The following PROSER2 variants were observed in gnomAD, a reference collection of about 807,000 sequenced individuals.
PROSER2 encodes the protein proline and serine rich 2.
PROSER2 carries 18 observed loss-of-function variants against 14.6 expected under a neutral mutation model. That is an observed-to-expected ratio of 1.23 (90% CI 0.85 to 1.83). PROSER2 has a LOEUF of 1.83. PROSER2 is among the 40% of genes most tolerant of loss of function. PROSER2 has a pLI of 0.00. For missense variants in PROSER2, 823 were observed against 629.8 expected (o/e 1.31, Z -3.28); for synonymous variants, 367 against 286.4 (o/e 1.28, Z -2.84).
intron 2 of PROSER2, among the ~76,000 whole-genome samples, chr10:11,853,970 T>TC (rs1487074045): frequency 6.6e-6 from 1 of 152,196 alleles, no homozygotes; most frequent in Non-Finnish European, 1.5e-5. Context: ...GCCGTGCCTG[T>TC]CCCTGTATAT....
Position 11,852,124 on chromosome 10 carries a change from A to G in PROSER2, c.47A>G (p.Asp16Gly). ...RKSDASDMNS[D>G]TSPSCRLRAF... ...TCAGACGCATCTGACATGAACTCAG[A>G]CACGTCCCCCAGCTGCAGGCTCCGA... Residue 16 changes from aspartate to glycine, a missense_variant, in exon 2 of 4, where the codon GAC (aspartate) becomes GGC (glycine). Coordinates refer to ENST00000277570, the MANE Select transcript of PROSER2 (RefSeq NM_153256.4). 6.2e-7 allele frequency: 1 copy of G among 1,613,834 alleles called. No individual in the cohort carries two copies. The highest frequency in any genetic ancestry group is 8.5e-7 in the Non-Finnish European group (1 of 1,179,924).
chr10:11,869,027 C>G lies in PROSER2; in HGVS notation c.392-463C>G, dbSNP rs2131097663. ...GTGACTGATACATGCTATGTAAGGA[C>G]TCAGAGGCAGGCCTGTTAAATTCTC... is the stretch of plus-strand genomic sequence containing the variant. On this transcript the variant is annotated intron_variant, in intron 3 of 3. Transcript: ENST00000277570. This position sits in a 1 kb window ranked among gnomAD's most constrained non-coding sequence, Gnocchi z 4.4. Among the ~76,000 whole-genome samples the G allele has an allele frequency of 6.6e-6, 1 of 152,320 alleles. No homozygotes were observed.
rs747318225 is a variant in PROSER2, at chr10:11,869,481, G to C, written c.392-9G>C. The C allele has an allele frequency of 6.2e-7, 1 of 1,609,940 alleles. No homozygotes were observed. The highest frequency in any genetic ancestry group is 1.1e-5 in the South Asian group (1 of 90,994). ...CCGGTGGCTCACAGGCTCCTCCCTT[G>C]TCTTCCAGGGCCTGCACCTGCTGGG... On this transcript the variant is annotated splice_polypyrimidine_tract_variant and intron_variant, in intron 3 of 3. Transcript: ENST00000277570. The surrounding 1 kb of genome is among the most constrained non-coding windows in gnomAD (Gnocchi z 4.4).
chr10:11,853,481 G>A (rs553367832), intron 2 of PROSER2, among the ~76,000 whole-genome samples: 2 of 152,090 alleles, frequency 1.3e-5, no homozygotes, highest in African/African-American at 4.8e-5. Context: ...CCAGCTACTC[G>A]GGAGGCTGAG....
chr10:11,824,758 T>C (rs1449593831), intron 1 of PROSER2, among the ~76,000 whole-genome samples: 1 of 152,246 alleles, frequency 6.6e-6, no homozygotes, highest in Admixed American at 6.5e-5. Flanking sequence ...TGAGCTTTCT[T>C]TGAAAATTTT....
Position 11,870,476 on chromosome 10 carries a change from C to G in PROSER2, c.*70C>G, listed in dbSNP as rs921989749. On this transcript the variant is annotated 3_prime_UTR_variant, in exon 4 of 4. Transcript: ENST00000277570. ...GAGAGGGTGAAAGAGTCGCTGCACC[C>G]AGGAGCTGTTTGGTCTAAAATGGAA... 2.4e-6 allele frequency: 3 copies of G among 1,273,918 alleles called. No individual in the cohort carries two copies. Among genetic ancestry groups the G allele is most frequent in the Non-Finnish European group, 3.1e-6 (3 of 967,984 alleles). The allele number at this position is 1,273,918 out of a possible 1,614,324, so 78.9% of individuals were successfully genotyped here.
rs554409956 is a variant in PROSER2, at chr10:11,867,635, G to C, written c.391+852G>C. 4.3e-4 allele frequency among the ~76,000 whole-genome samples: 65 copies of C among 152,312 alleles called. 1 individual carries two copies. Among genetic ancestry groups the C allele is most frequent in the African/African-American group, 1.5e-3 (64 of 41,572 alleles). Reference sequence around the variant, plus strand: ...CGAGACCCTGTCTCAAAAAAAGAAAGAGAATCTCATACCACTGCTGACGTG... The same window carrying C: ...CGAGACCCTGTCTCAAAAAAAGAAACAGAATCTCATACCACTGCTGACGTG... On this transcript the variant is annotated intron_variant, in intron 3 of 3. Coordinates refer to ENST00000277570, the MANE Select transcript of PROSER2 (RefSeq NM_153256.4).
At position 11,852,477 on chromosome 10, in the gene PROSER2, C is replaced by T. The variant is rs185460161; in HGVS notation, c.138+262C>T. ...GCTTAGACGTAGATAGGACCAGGCC[C>T]GGGGCAGAAACCAACCCAGGCAGGA... On this transcript the variant is annotated intron_variant, in intron 2 of 3. Coordinates refer to ENST00000277570, the MANE Select transcript of PROSER2 (RefSeq NM_153256.4). 4.6e-5 allele frequency among the ~76,000 whole-genome samples: 7 copies of T among 152,104 alleles called. No individual in the cohort carries two copies. In the East Asian group the frequency reaches 5.8e-4, roughly 13 times the overall value.
At position 11,837,420 on chromosome 10, in the gene PROSER2, G is replaced by GT. The variant is rs1347314248; in HGVS notation, c.-82+13952dup. The stretch of plus-strand genomic sequence containing the variant: ...ACGAGCTCCGATTGCTGGCAGACGG[G>GT]TTGGGATTGGTGCTGTCTGCAGATC... On this transcript the variant is annotated intron_variant, in intron 1 of 3. Transcript: ENST00000277570. This position sits in a 1 kb window ranked among gnomAD's most constrained non-coding sequence, Gnocchi z 4.6. 1.3e-5 allele frequency among the ~76,000 whole-genome samples: 2 copies of GT among 152,220 alleles called. No homozygotes were observed. The highest frequency in any genetic ancestry group is 2.4e-5 in the African/African-American group (1 of 41,458).
intron 1 of PROSER2, among the ~76,000 whole-genome samples, chr10:11,827,682 C>CTT (rs10625176): frequency 0.36 from 51,733 of 143,242 alleles, 9,774 homozygotes; most frequent in East Asian, 0.5. Context: ...CATGGAAGTC[C>CTT]TTTTTTTTTT....
rs1281752418 is a variant in PROSER2 at position 11,871,401 on chromosome 10, T to C, written c.*995T>C. 6.6e-6 allele frequency: 1 copy of C among 152,230 alleles called. No homozygotes were observed. Among genetic ancestry groups the C allele is most frequent in the Non-Finnish European group, 1.5e-5 (1 of 68,034 alleles). 9.4% of individuals were successfully genotyped at this position (152,230 alleles called of 1,614,324 possible). On this transcript the variant is annotated 3_prime_UTR_variant, in exon 4 of 4. Transcript: ENST00000277570. ...TCCTCTGTTCCCAGTTAAAGTAATA[T>C]TCCCTGCTTCCAAGTAAGCAAGACT...
Position 11,866,273 on chromosome 10 carries a change from T to C in PROSER2, c.139-258T>C, listed in dbSNP as rs906760621. Among the ~76,000 whole-genome samples, 6 of 152,188 alleles carry C rather than the reference T, an allele frequency of 3.9e-5. No individual in the cohort carries two copies. The highest frequency in any genetic ancestry group is 1.4e-4 in the African/African-American group (6 of 41,434). ...GCTCCCGAGAGGGTGCTTTTTGTCATTGACTTGCTAGGAACCCCAAGGCGA... is the reference window on the plus strand; with the variant it reads ...GCTCCCGAGAGGGTGCTTTTTGTCACTGACTTGCTAGGAACCCCAAGGCGA... On this transcript the variant is annotated intron_variant, in intron 2 of 3. Transcript: ENST00000277570. This position sits in a 1 kb window ranked among gnomAD's most constrained non-coding sequence, Gnocchi z 6.0.
At chr10:11,848,323 C>T (rs1473770211) in intron 1 of PROSER2, among the ~76,000 whole-genome samples, 3 of 152,212 alleles carry the variant, frequency 2.0e-5, no homozygotes, top group African/African-American at 7.2e-5. Context: ...CACCTGCCAC[C>T]ATGCCCGGCT....
chr10:11,867,536 A>G (rs1469089964), intron 3 of PROSER2, among the ~76,000 whole-genome samples: 1 of 152,110 alleles, frequency 6.6e-6, no homozygotes, highest in African/African-American at 2.4e-5. Context: ...AGGCACAAGA[A>G]TCACTTGAAC....
In PROSER2 at chr10:11,823,952, G is replaced by T. The variant is rs1388792005; in HGVS notation, c.-82+482G>T. On this transcript the variant is annotated intron_variant, in intron 1 of 3. Coordinates refer to ENST00000277570, the MANE Select transcript of PROSER2 (RefSeq NM_153256.4). This position sits in a 1 kb window ranked among gnomAD's most constrained non-coding sequence, Gnocchi z 6.2. ...GGCCCCCAGGTCCTGGAATCACGCGGGGATGTGCAGGGTCTGCCCAGCCCA... is the reference window on the plus strand; with the variant it reads ...GGCCCCCAGGTCCTGGAATCACGCGTGGATGTGCAGGGTCTGCCCAGCCCA... 6.6e-6 allele frequency among the ~76,000 whole-genome samples: 1 copy of T among 152,144 alleles called. No individual in the cohort carries two copies. Among genetic ancestry groups the T allele is most frequent in the Non-Finnish European group, 1.5e-5 (1 of 68,002 alleles).
intron 2 of PROSER2, among the ~76,000 whole-genome samples, chr10:11,853,557 A>C (rs1834069534): frequency 6.6e-6 from 1 of 152,200 alleles, no homozygotes; most frequent in Non-Finnish European, 1.5e-5. Context: ...ACTGCACTCC[A>C]GGCTGGGCGA....
chr10:11,866,923 T>G lies in PROSER2; in HGVS notation c.391+140T>G, dbSNP rs2131094074. On this transcript the variant is annotated intron_variant, in intron 3 of 3. Coordinates refer to ENST00000277570, the MANE Select transcript of PROSER2 (RefSeq NM_153256.4). This position sits in a 1 kb window ranked among gnomAD's most constrained non-coding sequence, Gnocchi z 6.0. The stretch of plus-strand genomic sequence containing the variant: ...GATTTTTATAGGGGAAAATACTCCT[T>G]GGCAGTTTCATCATCCAGCAAAGGG... 9.6e-7 allele frequency: 1 copy of G among 1,037,768 alleles called. No homozygotes were observed. The highest frequency in any genetic ancestry group is 1.4e-6 in the Non-Finnish European group (1 of 736,244). The allele number at this position is 1,037,768 out of a possible 1,614,324, so 64.3% of individuals were successfully genotyped here.
intron 3 of PROSER2, among the ~76,000 whole-genome samples, chr10:11,867,264 C>CAAAAAAAAAAAAAA (rs10560433): frequency 1.9e-5 from 1 of 51,810 alleles, no homozygotes; most frequent in East Asian, 7.9e-4. Flanking sequence ...GACTCCGTCT[C>CAAAAAAAAAAAAAA]AAAAAAAAAA....
chr10:11,848,817 A>G (rs1833966676), intron 1 of PROSER2, among the ~76,000 whole-genome samples: 1 of 152,154 alleles, frequency 6.6e-6, no homozygotes, highest in South Asian at 2.1e-4. Flanking sequence ...ACAGGCTTAC[A>G]TTTCCACATC....
Sources: allele counts gnomAD v4.1 joint callset (sites outside exome capture counted in the v4.1 genomes callset), GRCh38; gene constraint gnomAD v4.1.1; non-coding constraint Gnocchi (gnomAD v3.1); transcripts MANE v1.5; gene names NCBI Gene and HGNC (gene_info 2026-07-23, HGNC 2026-07-21).